Variants in SIAH3 observed in about 807,000 individuals in gnomAD.
SIAH3 encodes the protein seven in absentia homolog 3.
A neutral mutation model predicts 12.6 loss-of-function variants in SIAH3; 9 were observed. The ratio of observed to expected loss-of-function variants is 0.72; its 90% CI spans 0.43 to 1.25. SIAH3 has a LOEUF of 1.25. Ranked by LOEUF, SIAH3 falls within the 50% of genes most tolerant of loss-of-function variation. SIAH3 has a pLI of 0.00. For missense variants in SIAH3, 390 were observed against 365.4 expected (o/e 1.07, Z -0.55); for synonymous variants, 154 against 151.1 (o/e 1.02, Z -0.14).
At chr13:45,838,499 G>T (rs1179635657) in intron 1 of SIAH3, among the ~76,000 whole-genome samples, 1 of 152,242 alleles carries the variant, frequency 6.6e-6, no homozygotes, top group East Asian at 1.9e-4. Flanking sequence ...CAGGGCACGG[G>T]GGTGGCAGAG....
At chr13:45,792,491 G>A (rs1950549081) in intron 1 of SIAH3, among the ~76,000 whole-genome samples, 1 of 151,986 alleles carries the variant, frequency 6.6e-6, no homozygotes, top group African/African-American at 2.4e-5. Flanking sequence ...CCAAGTAGCT[G>A]GGATTACAGA....
chr13:45,814,732 C>CTTTTTTTTTTTTTTTTT (rs11386908), intron 1 of SIAH3, among the ~76,000 whole-genome samples: 26 of 146,756 alleles, frequency 1.8e-4, no homozygotes, highest in African/African-American at 6.2e-4. Context: ...TTTGCCATTA[C>CTTTTTTTTTTTTTTTTT]TTTTTTTTTT....
intron 1 of SIAH3, among the ~76,000 whole-genome samples, chr13:45,827,472 A>G (rs544471325): frequency 6.6e-6 from 1 of 152,274 alleles, no homozygotes. Flanking sequence ...GCTATTTATA[A>G]CTGATTTTAT....
Position 45,843,034 on chromosome 13 carries a change from C to CTCTCTGTGTGTGTGTGTGTGTGTGTGTG in SIAH3, c.135+8460_135+8461insCACACACACACACACACACACACAGAGA, listed in dbSNP as rs560128772. On this transcript the variant is annotated intron_variant, in intron 1 of 1. Coordinates refer to ENST00000400405, the MANE Select transcript of SIAH3 (RefSeq NM_198849.3). ...TGCCATTATTTCTCTCTCTCTCTCT[C>CTCTCTGTGTGTGTGTGTGTGTGTGTGTG]TGTGTGTGTGTGTGTGTGTGTGTGT... 1.1e-3 allele frequency among the ~76,000 whole-genome samples: 156 copies of CTCTCTGTGTGTGTGTGTGTGTGTGTGTG among 139,280 alleles called. 3 individuals carry two copies. The East Asian group carries it at 0.02, about 18-fold the overall frequency. The allele number at this position is 139,280 out of a possible 152,430, so 91.4% of individuals were successfully genotyped here. A position where few individuals can be genotyped will look rare whatever the true frequency, so the allele number is the denominator to read the frequency against.
chr13:45,809,021 G>T (rs1030474021), intron 1 of SIAH3, among the ~76,000 whole-genome samples: 1 of 152,162 alleles, frequency 6.6e-6, no homozygotes, highest in African/African-American at 2.4e-5. Context: ...GAATGAGTGG[G>T]CTTCCAACCC....
chr13:45,783,604 C>T lies in SIAH3; in HGVS notation c.589G>A (p.Asp197Asn), dbSNP rs761008566. 1.9e-6 allele frequency: 3 copies of T among 1,614,038 alleles called. No homozygotes were observed. The highest frequency in any genetic ancestry group is 2.5e-6 in the Non-Finnish European group (3 of 1,180,006). ...MMLIGTPTQA[D>N]CFTYRLELNR... ...AGCTCCAGGCGATAGGTGAAGCAGT[C>T]GGCCTGGGTGGGGGTCCCAATCAGC... Residue 197 changes from aspartate (D) to asparagine (N), a missense_variant, in exon 2 of 2, where the codon GAC becomes AAC. Asp to Asn is a conservative substitution (Grantham distance 23, BLOSUM62 1). Coordinates refer to ENST00000400405, the MANE Select transcript of SIAH3 (RefSeq NM_198849.3).
intron 1 of SIAH3, among the ~76,000 whole-genome samples, chr13:45,789,357 CATCTATCTATCT>C (rs67992215): frequency 0.15 from 15,691 of 106,754 alleles, 960 homozygotes; most frequent in Middle Eastern, 0.19. Flanking sequence ...GTGTATCTAT[CATCTATCTATCT>C]ATCTATCTAT....
chr13:45,835,523 GAAC>G (rs1454399968), intron 1 of SIAH3, among the ~76,000 whole-genome samples: 2 of 152,280 alleles, frequency 1.3e-5, no homozygotes, highest in African/African-American at 4.8e-5. Context: ...TTAGTCCTCA[GAAC>G]AACTGGAGGA....
chr13:45,850,541 G>A (rs1409369903), intron 1 of SIAH3, among the ~76,000 whole-genome samples: 1 of 152,152 alleles, frequency 6.6e-6, no homozygotes, highest in East Asian at 1.9e-4. Context: ...GCAAGGTGCT[G>A]AGTTTCCCAT....
At chr13:45,844,337 A>G (rs1259578795) in intron 1 of SIAH3, among the ~76,000 whole-genome samples, 2 of 152,160 alleles carry the variant, frequency 1.3e-5, no homozygotes, top group East Asian at 1.9e-4. Context: ...TCATTGGCCA[A>G]TGGCTGGGAG....
At chr13:45,801,099 G>GGGT (rs1555257358) in intron 1 of SIAH3, among the ~76,000 whole-genome samples, 1 of 125,902 alleles carries the variant, frequency 7.9e-6, no homozygotes, top group African/African-American at 2.8e-5. Flanking sequence ...GGGTGGCGGG[G>GGGT]GGGGGCATGG....
At chr13:45,819,409 G>A (rs1262967760) in intron 1 of SIAH3, among the ~76,000 whole-genome samples, 1 of 152,218 alleles carries the variant, frequency 6.6e-6, no homozygotes, top group Non-Finnish European at 1.5e-5. Context: ...GGGCTGCACA[G>A]TGTTGGGCAT....
chr13:45,801,713 A>T (rs946537172), intron 1 of SIAH3, among the ~76,000 whole-genome samples: 1 of 152,148 alleles, frequency 6.6e-6, no homozygotes, highest in Non-Finnish European at 1.5e-5. Context: ...TTGAACCATC[A>T]TTTCAGCATT....
chr13:45,794,160 T>C (rs1204188612), intron 1 of SIAH3, among the ~76,000 whole-genome samples: 1 of 151,934 alleles, frequency 6.6e-6, no homozygotes, highest in Non-Finnish European at 1.5e-5. Context: ...TGGTGTGATC[T>C]TGGCTCACTG....
intron 1 of SIAH3, among the ~76,000 whole-genome samples, chr13:45,832,720 T>C (rs1439314693): frequency 2.0e-5 from 3 of 152,264 alleles, no homozygotes; most frequent in Non-Finnish European, 4.4e-5. Context: ...ATGGTAATTC[T>C]ATGTTAAATT....
rs1374173333 is a variant in SIAH3 at position 45,779,489 on chromosome 13, C to T, written c.*3894G>A. On this transcript the variant is annotated 3_prime_UTR_variant, in exon 2 of 2. Coordinates refer to ENST00000400405, the MANE Select transcript of SIAH3 (RefSeq NM_198849.3). ...GCCATTCACACTTTATGACTCGGTCCTTCTGAGCCTTGGGTCCATATGTTC... is the reference window on the plus strand; with the variant it reads ...GCCATTCACACTTTATGACTCGGTCTTTCTGAGCCTTGGGTCCATATGTTC... 6.6e-6 allele frequency: 1 copy of T among 152,172 alleles called. No individual in the cohort carries two copies. Among genetic ancestry groups the T allele is most frequent in the Non-Finnish European group, 1.5e-5 (1 of 68,044 alleles). 9.4% of individuals were successfully genotyped at this position (152,172 alleles called of 1,614,324 possible).
At chr13:45,822,203 T>C (rs1185341700) in intron 1 of SIAH3, among the ~76,000 whole-genome samples, 1 of 152,144 alleles carries the variant, frequency 6.6e-6, no homozygotes, top group Non-Finnish European at 1.5e-5. Flanking sequence ...CGGACCTATA[T>C]GGTGTCCCAC....
chr13:45,782,798 CA>C lies in SIAH3; in HGVS notation c.*584del, dbSNP rs1950509888. On this transcript the variant is annotated 3_prime_UTR_variant, in exon 2 of 2. Coordinates refer to ENST00000400405, the MANE Select transcript of SIAH3 (RefSeq NM_198849.3). ...ACAATGACACCTCTAGCCCAGTCCC[CA>C]GCCCTGCGGTGGAGACACGATCTCC... The C allele has an allele frequency of 1.2e-4, 4 of 34,380 alleles. No homozygotes were observed. The Admixed American group carries it at 1.7e-3, about 15-fold the overall frequency. The allele number at this position is 34,380 out of a possible 1,614,324, so 2.1% of individuals were successfully genotyped here.
At chr13:45,811,282 G>A (rs1950615511) in intron 1 of SIAH3, among the ~76,000 whole-genome samples, 1 of 152,234 alleles carries the variant, frequency 6.6e-6, no homozygotes, top group African/African-American at 2.4e-5. Context: ...ACTAGTTGGA[G>A]AGGGTGAGAG....
Sources: allele counts gnomAD v4.1 joint callset (sites outside exome capture counted in the v4.1 genomes callset), GRCh38; gene constraint gnomAD v4.1.1; transcripts MANE v1.5; gene names NCBI Gene and HGNC (gene_info 2026-07-23, HGNC 2026-07-21).